Variants in USP45 observed in about 807,000 individuals in gnomAD.
USP45 encodes the protein ubiquitin specific peptidase 45, also known as ubiquitin carboxyl-terminal hydrolase 45.
USP45 carries 89 observed loss-of-function variants against 95.8 expected under a neutral mutation model. That is an observed-to-expected ratio of 0.93 (90% confidence interval 0.78 to 1.11). The LOEUF (loss-of-function observed/expected upper bound fraction) is 1.11. Among genes scored for constraint, USP45 ranks in the 50% least tolerant of loss-of-function variants. The pLI is 0.00. For missense variants in USP45, 898 were observed against 942.5 expected, an observed-to-expected ratio of 0.95 and a Z score of 0.62; for synonymous variants, 281 against 316.2, an observed-to-expected ratio of 0.89 and a Z score of 1.18.
rs1475178282 is a variant in USP45 at position 99,466,669 on chromosome 6, T to TACA, written c.1107_1107+2dup. On this transcript the variant is annotated splice_region_variant and intron_variant, in intron 11 of 17. Coordinates refer to ENST00000500704, the MANE Select transcript of USP45 (RefSeq NM_001346022.3). ...ATGCTGAATTGAATTCTAAAGTACC[T>TACA]ACATTTGCACATTCTTCACACATGA... 6.2e-7 allele frequency: 1 copy of TACA among 1,609,360 alleles called. No individual in the cohort carries two copies. Among genetic ancestry groups the TACA allele is most frequent in the African/African-American group, 1.3e-5 (1 of 74,800 alleles).
intron 1 of USP45, among the ~76,000 whole-genome samples, chr6:99,513,188 C>A (rs1800308357): frequency 6.6e-6 from 1 of 152,128 alleles, no homozygotes. Flanking sequence ...CTCGCAGAAC[C>A]CAATCCTAGA....
In USP45 at chr6:99,433,185, G is replaced by A. The variant is rs4840043; in HGVS notation, c.*2531C>T. 44,088 of 152,354 alleles carry A rather than the reference G, an allele frequency of 0.29. 6,953 individuals are homozygous for A. Among genetic ancestry groups the A allele is most frequent in the Middle Eastern group, 0.4 (118 of 294 alleles). The allele number at this position is 152,354 out of a possible 1,614,324, so 9.4% of individuals were successfully genotyped here. A position where few individuals can be genotyped will look rare whatever the true frequency, so the allele number is the denominator to read the frequency against. ...ATCACTCTTCTCAGCTACCTAAAAA[G>A]GTGGTCTTCACAAGTTTTAAGAACA... On this transcript the variant is annotated 3_prime_UTR_variant, in exon 18 of 18. Transcript: ENST00000500704.
intron 15 of USP45, among the ~76,000 whole-genome samples, chr6:99,440,791 C>A (rs937112511): frequency 1.3e-5 from 2 of 151,986 alleles, no homozygotes; most frequent in African/African-American, 4.8e-5. Flanking sequence ...ACATCATATC[C>A]CAGGAATATT....
Position 99,482,852 on chromosome 6 carries a change from C to G in USP45, c.746G>C (p.Gly249Ala). Residue 249 changes from glycine (G) to alanine (A), a missense_variant, in exon 8 of 18, where the codon GGA (glycine) becomes GCA (alanine). Coordinates refer to ENST00000500704, the MANE Select transcript of USP45 (RefSeq NM_001346022.3). ...CAGGAACAAGGCTGAGGTCAGTGGT[C>G]CAGGCCTTGAAAGTTCCACCACCAA... ...DPLVVELSRP[G>A]PLTSALFLFL... is the part of the protein sequence containing the mutation. 6.3e-7 allele frequency: 1 copy of G among 1,575,132 alleles called. No individual in the cohort carries two copies. Among genetic ancestry groups the G allele is most frequent in the Non-Finnish European group, 8.6e-7 (1 of 1,161,710 alleles).
intron 11 of USP45, 87 bp from the exon 12 acceptor site, chr6:99,465,223 G>A (rs994851859): frequency 1.6e-5 from 18 of 1,120,812 alleles, no homozygotes; most frequent in Admixed American, 7.7e-5. Context: ...CAAACTTCCC[G>A]GGCAACCTAA....
chr6:99,460,938 A>G, intron 13 of USP45: 3 of 984,486 alleles, frequency 3.0e-6, no homozygotes, highest in Non-Finnish European at 3.6e-6. Flanking sequence ...ATGTATAGAA[A>G]AAACAGCAAG....
chr6:99,477,724 G>C (rs957333298), intron 8 of USP45, among the ~76,000 whole-genome samples: 1 of 152,160 alleles, frequency 6.6e-6, no homozygotes, highest in Non-Finnish European at 1.5e-5. Context: ...CATCAATCCA[G>C]CCTGTAAGAG....
In USP45 at chr6:99,476,172, G is replaced by C. The variant is rs75273675; in HGVS notation, c.904C>G (p.Leu302Val). 1 of 1,613,844 alleles carries C rather than the reference G, an allele frequency of 6.2e-7. No homozygotes were observed. The highest frequency in any genetic ancestry group is 1.3e-5 in the African/African-American group (1 of 74,888). Residue 302 changes from leucine to valine, a missense_variant, in exon 9 of 18, where the codon CTG becomes GTG. Leu to Val is a conservative substitution (Grantham distance 32). Coordinates refer to ENST00000500704, the MANE Select transcript of USP45 (RefSeq NM_001346022.3). The part of the protein sequence containing the change: ...QDSQELLHYL[L>V]DAVRTEETKR... ...GTTTCTTCTGTCCTCACTGCATCCA[G>C]AAGATAATGAAGAAGCTCCTGACTG...
intron 13 of USP45, chr6:99,460,750 A>C: frequency 1.0e-6 from 1 of 981,270 alleles, no homozygotes; most frequent in Non-Finnish European, 1.2e-6. Context: ...TAAGAGGACT[A>C]TGATTTTCTG....
chr6:99,486,216 C>T (rs912503463), intron 7 of USP45, among the ~76,000 whole-genome samples: 1 of 152,056 alleles, frequency 6.6e-6, no homozygotes, highest in Non-Finnish European at 1.5e-5. Flanking sequence ...GGGCAGTAAC[C>T]AACTCAAAGA....
chr6:99,478,061 C>A (rs1470299969), intron 8 of USP45, among the ~76,000 whole-genome samples: 3 of 152,180 alleles, frequency 2.0e-5, no homozygotes, highest in East Asian at 3.9e-4. Context: ...GAGGAGGGGG[C>A]AGTTTATGGC....
chr6:99,481,157 T>C (rs752396364), intron 8 of USP45, among the ~76,000 whole-genome samples: 2 of 152,190 alleles, frequency 1.3e-5, no homozygotes, highest in Non-Finnish European at 2.9e-5. Context: ...TCTAAGAATT[T>C]ATCCTACAGA....
At chr6:99,473,129 A>C (rs988866132) in intron 9 of USP45, among the ~76,000 whole-genome samples, 1 of 152,178 alleles carries the variant, frequency 6.6e-6, no homozygotes, top group Non-Finnish European at 1.5e-5. Context: ...AATAATTGCA[A>C]ATCACAAAGA....
At chr6:99,451,761 G>A (rs1432078711) in intron 13 of USP45, among the ~76,000 whole-genome samples, 1 of 152,102 alleles carries the variant, frequency 6.6e-6, no homozygotes, top group Non-Finnish European at 1.5e-5. Context: ...GAGGCATCAG[G>A]CTACCTGACT....
At chr6:99,502,263 G>A (rs1797547443) in intron 5 of USP45, among the ~76,000 whole-genome samples, 1 of 152,080 alleles carries the variant, frequency 6.6e-6, no homozygotes, top group South Asian at 2.1e-4. Flanking sequence ...TTCACATTTG[G>A]GACCCTCCCC....
intron 5 of USP45, among the ~76,000 whole-genome samples, chr6:99,489,807 C>T (rs1336866906): frequency 1.3e-5 from 2 of 151,804 alleles, no homozygotes; most frequent in Non-Finnish European, 2.9e-5. Flanking sequence ...ATTAGCTGGG[C>T]GTGGTGGTGC....
chr6:99,468,974 A>G (rs1042461400), intron 9 of USP45, among the ~76,000 whole-genome samples: 18 of 152,134 alleles, frequency 1.2e-4, no homozygotes, highest in Admixed American at 3.3e-4. Context: ...GACACTTCTT[A>G]ATTAGGACCA....
intron 13 of USP45, among the ~76,000 whole-genome samples, chr6:99,448,821 A>T (rs919349848): frequency 6.6e-6 from 1 of 152,254 alleles, no homozygotes; most frequent in Non-Finnish European, 1.5e-5. Context: ...GACTAACAGC[A>T]GATCTCTTGG....
chr6:99,467,386 T>A (rs528670273), intron 10 of USP45, among the ~76,000 whole-genome samples: 9 of 152,248 alleles, frequency 5.9e-5, no homozygotes, highest in African/African-American at 2.2e-4. Flanking sequence ...TCTCTCTACT[T>A]TAATAAAAAT....
Sources: allele counts gnomAD v4.1 joint callset (sites outside exome capture counted in the v4.1 genomes callset), GRCh38; gene constraint gnomAD v4.1.1; transcripts MANE v1.5; gene names NCBI Gene and HGNC (gene_info 2026-07-23, HGNC 2026-07-21).